The following WDPCP variants were observed in gnomAD, a reference collection of about 807,000 sequenced individuals.
WDPCP encodes the protein WD repeat containing planar cell polarity effector, also known as WD repeat-containing and planar cell polarity effector protein fritz homolog.
In WDPCP, 71 loss-of-function variants were observed where a neutral mutation model predicts 93.1. The ratio of observed to expected loss-of-function variants is 0.76; its 90% CI spans 0.63 to 0.93. The LOEUF (loss-of-function observed/expected upper bound fraction) is 0.93. Ranked by LOEUF, WDPCP falls within the 40% of genes least tolerant of loss-of-function variation. WDPCP has a pLI of 0.00. For missense variants in WDPCP, 844 were observed against 887.4 expected (o/e 0.95, Z 0.62); for synonymous variants, 315 against 315.0 (o/e 1.00, Z 0.00).
chr2:63,482,069 C>T (rs1483443834), intron 6 of WDPCP, among the ~76,000 whole-genome samples: 1 of 151,832 alleles, frequency 6.6e-6, no homozygotes, highest in Non-Finnish European at 1.5e-5. Flanking sequence ...TTGACAACAT[C>T]AACTAAGCTT....
At chr2:63,371,205 C>T (rs1412860189) in intron 12 of WDPCP, among the ~76,000 whole-genome samples, 1 of 152,064 alleles carries the variant, frequency 6.6e-6, no homozygotes, top group African/African-American at 2.4e-5. Flanking sequence ...TGAAGTCATG[C>T]TTGACTTCTC....
intron 2 of WDPCP, among the ~76,000 whole-genome samples, chr2:63,718,321 A>G (rs1187565505): frequency 6.6e-6 from 1 of 152,146 alleles, no homozygotes; most frequent in Non-Finnish European, 1.5e-5. Flanking sequence ...TAGTTATTTG[A>G]GAAATCTCCA....
At chr2:63,359,411 A>C (rs1343213981) in intron 12 of WDPCP, among the ~76,000 whole-genome samples, 1 of 152,262 alleles carries the variant, frequency 6.6e-6, no homozygotes, top group Non-Finnish European at 1.5e-5. Flanking sequence ...TAAGTACATG[A>C]AAAGATGTTC....
chr2:63,596,905 T>C (rs1709323497), intron 3 of WDPCP, among the ~76,000 whole-genome samples: 1 of 152,238 alleles, frequency 6.6e-6, no homozygotes, highest in Non-Finnish European at 1.5e-5. Flanking sequence ...AGTGTCTCCA[T>C]CTATAAAATC....
In WDPCP at chr2:63,382,093, G is replaced by A. The variant is rs767292479; in HGVS notation, c.1437C>T (p.Gly479=). ...GGCCCAGCTGTCCTCGAGTGAAGAC[G>A]CCTATCACAAAACATGGAAAACCAG... The part of the protein sequence containing the change: ...GPLGVLLFKL[G]VFTRGQLGLI... The change falls in exon 11 of 18, where the codon GGC becomes GGT. Residue 479 remains glycine (G), a splice_region_variant and synonymous_variant. Transcript: ENST00000272321. 9.3e-6 allele frequency: 15 copies of A among 1,611,858 alleles called. No homozygotes were observed. The highest frequency in any genetic ancestry group is 3.3e-5 in the Admixed American group (2 of 59,720).
chr2:63,599,104 A>C, intron 3 of WDPCP: 2 of 1,519,310 alleles, frequency 1.3e-6, no homozygotes, highest in Non-Finnish European at 1.8e-6. Flanking sequence ...TTTCAGTCAA[A>C]TTTTAACATA....
At position 63,153,495 on chromosome 2, in the gene WDPCP, C is replaced by T. The variant is rs1205538920; in HGVS notation, c.2158G>A (p.Asp720Asn). Residue 720 changes from aspartate to asparagine, a missense_variant and splice_region_variant, in exon 16 of 18, where the codon GAC (aspartate) becomes AAC (asparagine). Transcript: ENST00000272321. ...FLMTNTCNAE[D>N]GELREDGREQ... ...ACTTGGGTGTCTTGAATACCATTAC[C>T]TTCTGCATTACAGGTATTAGTCATC... The T allele has an allele frequency of 6.2e-7, 1 of 1,609,316 alleles. No homozygotes were observed. The highest frequency in any genetic ancestry group is 8.5e-7 in the Non-Finnish European group (1 of 1,176,452).
chr2:63,495,485 A>G (rs1280894456), intron 1 of WDPCP, among the ~76,000 whole-genome samples: 2 of 152,234 alleles, frequency 1.3e-5, no homozygotes, highest in African/African-American at 2.4e-5. Flanking sequence ...GACTTTTCAT[A>G]TGGAAATGTG....
intron 9 of WDPCP, among the ~76,000 whole-genome samples, chr2:63,417,820 C>T (rs1695545328): frequency 6.7e-6 from 1 of 149,198 alleles, no homozygotes; most frequent in East Asian, 1.9e-4. Flanking sequence ...ATTGGAATTT[C>T]AATTAAAATT....
At chr2:63,208,277 G>A (rs563115662) in intron 14 of WDPCP, among the ~76,000 whole-genome samples, 4 of 152,030 alleles carry the variant, frequency 2.6e-5, no homozygotes, top group African/African-American at 9.7e-5. Context: ...GCAACCCTTT[G>A]TTCTTGTTCA....
At chr2:63,411,032 G>A (rs1045223974) in intron 9 of WDPCP, among the ~76,000 whole-genome samples, 1 of 152,034 alleles carries the variant, frequency 6.6e-6, no homozygotes, top group Non-Finnish European at 1.5e-5. Context: ...CTATACCTTG[G>A]AACAAATGGA....
intron 1 of WDPCP, among the ~76,000 whole-genome samples, chr2:63,567,617 T>A (rs755134239): frequency 6.6e-6 from 1 of 152,174 alleles, no homozygotes; most frequent in East Asian, 1.9e-4. Flanking sequence ...AGTTTAAATA[T>A]CAGTTGCTAA....
intron 15 of WDPCP, among the ~76,000 whole-genome samples, chr2:63,163,904 A>C (rs553828561): frequency 6.6e-6 from 1 of 152,356 alleles, no homozygotes. Context: ...CTGCTTAGAC[A>C]TGAATCAAAT....
chr2:63,289,616 T>C (rs185525414), intron 13 of WDPCP, among the ~76,000 whole-genome samples: 5 of 152,178 alleles, frequency 3.3e-5, no homozygotes, highest in Admixed American at 2.0e-4. Context: ...ATATGCCATG[T>C]AGATTTGAAA....
chr2:63,790,079 G>T (rs1274244246), intron 2 of WDPCP, among the ~76,000 whole-genome samples: 2 of 152,280 alleles, frequency 1.3e-5, no homozygotes, highest in East Asian at 1.9e-4. Flanking sequence ...CTTAACTAAA[G>T]ATAAAGTCAA....
chr2:63,494,284 TGATGAC>T (rs1361302751), intron 1 of WDPCP, among the ~76,000 whole-genome samples: 2 of 37,646 alleles, frequency 5.3e-5, no homozygotes, highest in Non-Finnish European at 8.4e-5. Flanking sequence ...ATGATGATGA[TGATGAC>T]GACGACGACG....
At chr2:63,811,328 G>C (rs758892508) in intron 2 of WDPCP, among the ~76,000 whole-genome samples, 34 of 152,168 alleles carry the variant, frequency 2.2e-4, no homozygotes, top group Non-Finnish European at 3.4e-4. Context: ...ACATTGCTCG[G>C]TCTTGCTCAC....
At chr2:63,793,992 T>C (rs1670579884) in intron 2 of WDPCP, among the ~76,000 whole-genome samples, 1 of 152,014 alleles carries the variant, frequency 6.6e-6, no homozygotes. Context: ...AACTGAATTA[T>C]AATTAAAGAC....
chr2:63,544,961 T>C (rs749651367), intron 1 of WDPCP, among the ~76,000 whole-genome samples: 1 of 152,168 alleles, frequency 6.6e-6, no homozygotes, highest in African/African-American at 2.4e-5. Flanking sequence ...AAACTATTCA[T>C]GTGAATTACT....
Sources: allele counts gnomAD v4.1 joint callset (sites outside exome capture counted in the v4.1 genomes callset), GRCh38; gene constraint gnomAD v4.1.1; transcripts MANE v1.5; gene names NCBI Gene and HGNC (gene_info 2026-07-23, HGNC 2026-07-21).